Variants in SLC5A4 observed in about 807,000 individuals in gnomAD.
The protein encoded by SLC5A4 is probable glucose sensor protein SLC5A4.
Under a neutral mutation model 70.3 loss-of-function variants are expected in SLC5A4, and 55 were observed. The observed-to-expected ratio is 0.78, with a 90% CI of 0.63 to 0.98. SLC5A4 has a LOEUF of 0.98. Ranked by LOEUF, SLC5A4 falls within the 50% of genes least tolerant of loss-of-function variation. The pLI is 0.00. For missense variants in SLC5A4, 735 were observed against 839.2 expected, an observed-to-expected ratio of 0.88 and a Z score of 1.53; for synonymous variants, 268 against 305.7, an observed-to-expected ratio of 0.88 and a Z score of 1.29.
intron 14 of SLC5A4, among the ~76,000 whole-genome samples, chr22:32,219,538 G>T (rs1042331684): frequency 2.0e-5 from 3 of 146,948 alleles, no homozygotes; most frequent in Admixed American, 6.9e-5. Flanking sequence ...AAATGTATAT[G>T]GTCTTATTTA....
At chr22:32,269,843 C>T in the SLC5A4 span, 40 of 635,130 alleles carry the variant, frequency 6.3e-5, 1 homozygote, top group Middle Eastern at 1.1e-3. The surrounding 1 kb of genome is among the most constrained non-coding windows in gnomAD (Gnocchi z 4.1). Context: ...GTCAGATCTA[C>T]ATGCTGACCC....
the SLC5A4 span, among the ~76,000 whole-genome samples, chr22:32,349,884 C>T: frequency 6.6e-6 from 1 of 152,310 alleles, no homozygotes; most frequent in East Asian, 1.9e-4. Flanking sequence ...AATCCTCCCT[C>T]CCATAAAATC....
At chr22:32,302,387 T>G in the SLC5A4 span, among the ~76,000 whole-genome samples, 1 of 152,160 alleles carries the variant, frequency 6.6e-6, no homozygotes, top group African/African-American at 2.4e-5. Flanking sequence ...TGTGATTAAG[T>G]CCAATTAATC....
At chr22:32,218,840 T>A in intron 14 of SLC5A4, 115 bp from the exon 15 acceptor site, 1 of 705,834 alleles carries the variant, frequency 1.4e-6, no homozygotes, top group Non-Finnish European at 2.3e-6. Context: ...CTGGGAGTGT[T>A]AAGAGGAATC....
chr22:32,245,837 C>T (rs529140786), intron 5 of SLC5A4, among the ~76,000 whole-genome samples: 39 of 152,304 alleles, frequency 2.6e-4, no homozygotes, highest in African/African-American at 8.9e-4. Context: ...CTCTTCAGAA[C>T]TGTAAAGCTG....
chr22:32,328,701 T>C, the SLC5A4 span, among the ~76,000 whole-genome samples: 7 of 152,332 alleles, frequency 4.6e-5, no homozygotes, highest in East Asian at 1.2e-3. Flanking sequence ...CACCCTGACT[T>C]ACACCTTTCT....
intron 12 of SLC5A4, 106 bp from the exon 13 acceptor site, chr22:32,224,588 A>T: frequency 1.1e-6 from 1 of 886,640 alleles, no homozygotes; most frequent in Non-Finnish European, 1.8e-6. Context: ...AAGGACCAAC[A>T]AATGGCTAAC....
chr22:32,310,422 C>A, the SLC5A4 span, among the ~76,000 whole-genome samples: 1 of 152,194 alleles, frequency 6.6e-6, no homozygotes, highest in Non-Finnish European at 1.5e-5. Context: ...GCTTCCTCTG[C>A]CTTCCAAGGC....
the SLC5A4 span, among the ~76,000 whole-genome samples, chr22:32,314,460 A>T: frequency 0.014 from 2,128 of 152,352 alleles, 19 homozygotes; most frequent in South Asian, 0.045. Context: ...AAGCCCAATG[A>T]ACCATCTTTC....
the SLC5A4 span, among the ~76,000 whole-genome samples, chr22:32,311,474 G>T: frequency 1.3e-5 from 2 of 152,344 alleles, no homozygotes; most frequent in East Asian, 1.9e-4. Context: ...TTTAGGTGAT[G>T]CCATCCATCT....
chr22:32,308,773 T>C, the SLC5A4 span, among the ~76,000 whole-genome samples: 2 of 151,332 alleles, frequency 1.3e-5, no homozygotes, highest in African/African-American at 2.4e-5. Context: ...CATGTATGTG[T>C]GTGAGGGCAT....
At chr22:32,281,314 C>T in the SLC5A4 span, among the ~76,000 whole-genome samples, 22 of 152,222 alleles carry the variant, frequency 1.4e-4, no homozygotes, top group Admixed American at 4.6e-4. Flanking sequence ...CTGCTCCCAA[C>T]GGGGCCGCAT....
chr22:32,288,983 G>A, the SLC5A4 span, among the ~76,000 whole-genome samples: 1 of 152,022 alleles, frequency 6.6e-6, no homozygotes, highest in African/African-American at 2.4e-5. Context: ...TACTGCCTGG[G>A]ACTTCATAGT....
At chr22:32,266,561 A>G in the SLC5A4 span, among the ~76,000 whole-genome samples, 2 of 152,264 alleles carry the variant, frequency 1.3e-5, no homozygotes, top group Non-Finnish European at 2.9e-5. Context: ...GTCTAAAAGC[A>G]AAGAAAAAAT....
At chr22:32,308,219 C>A in the SLC5A4 span, among the ~76,000 whole-genome samples, 1 of 150,514 alleles carries the variant, frequency 6.6e-6, no homozygotes, top group African/African-American at 2.5e-5. Flanking sequence ...TCTGAAGGCT[C>A]TTCCTGTTGA....
At chr22:32,264,726 A>C in the SLC5A4 span, among the ~76,000 whole-genome samples, 1 of 152,034 alleles carries the variant, frequency 6.6e-6, no homozygotes, top group Non-Finnish European at 1.5e-5. Context: ...CATACCCTGC[A>C]TGTTTTATCC....
the SLC5A4 span, among the ~76,000 whole-genome samples, chr22:32,337,542 AAAAAG>A: frequency 5.4e-5 from 8 of 148,454 alleles, no homozygotes; most frequent in East Asian, 3.9e-4. Context: ...CAAAAAGAAA[AAAAAG>A]AAAAGAAAAA....
At chr22:32,246,162 T>A (rs1926816413) in intron 5 of SLC5A4, among the ~76,000 whole-genome samples, 1 of 152,258 alleles carries the variant, frequency 6.6e-6, no homozygotes, top group South Asian at 2.1e-4. Flanking sequence ...GAATTCTTAT[T>A]TCCTTAGCCA....
At chr22:32,292,176 ATAT>A in the SLC5A4 span, among the ~76,000 whole-genome samples, 14 of 56,680 alleles carry the variant, frequency 2.5e-4, no homozygotes, top group South Asian at 9.8e-4. Context: ...TATATACTAG[ATAT>A]TATATATAAT....
Sources: gnomAD v4.1 joint callset for allele counts (sites outside exome capture counted in the v4.1 genomes callset) on GRCh38, gnomAD v4.1.1 for gene constraint, Gnocchi (gnomAD v3.1) non-coding constraint, MANE v1.5 for transcripts, NCBI Gene and HGNC (gene_info 2026-07-23, HGNC 2026-07-21) for gene names.